The following THSD4 variants were observed in gnomAD, a reference collection of about 807,000 sequenced individuals.
THSD4 encodes thrombospondin type 1 domain containing 4.
A neutral mutation model predicts 119.0 loss-of-function variants in THSD4; 69 were observed. That is an observed-to-expected ratio of 0.58 (90% CI 0.48 to 0.71). THSD4 has a LOEUF of 0.71. Ranked by LOEUF, THSD4 falls within the 30% of genes least tolerant of loss-of-function variation. The pLI is 0.00. For synonymous variants in THSD4, 524 were observed against 540.4 expected (o/e 0.97, Z 0.42); for missense variants, 1,393 against 1,391.1 (o/e 1.00, Z -0.02).
At chr15:71,547,615 G>A (rs1473173791) in intron 7 of THSD4, 1 of 1,012,562 alleles carries the variant, frequency 9.9e-7, no homozygotes, top group African/African-American at 1.7e-5. Flanking sequence ...TACTTTTGTA[G>A]GCTTCTCTTG....
At chr15:71,599,976 A>G (rs1341085736) in intron 7 of THSD4, among the ~76,000 whole-genome samples, 1 of 152,176 alleles carries the variant, frequency 6.6e-6, no homozygotes, top group Non-Finnish European at 1.5e-5. Context: ...TCAAATTCTA[A>G]AACATCCAGG....
Position 71,240,279 on chromosome 15 carries a change from C to T in THSD4, c.465-2370C>T, listed in dbSNP as rs540284203. Among the ~76,000 whole-genome samples, 73 of 152,154 alleles carry T rather than the reference C, an allele frequency of 4.8e-4. 1 individual carries two copies. Among genetic ancestry groups the T allele is most frequent in the Non-Finnish European group, 7.5e-4 (51 of 68,028 alleles). The stretch of plus-strand genomic sequence containing the variant: ...TGAGCTCCAGCAGGGCAGCCTGTCC[C>T]GGGCCAGCAGATCTTTTGTATCTGC... On this transcript the variant is annotated intron_variant, in intron 4 of 17. Transcript: ENST00000261862.
At chr15:71,640,107 C>T (rs891623443) in intron 7 of THSD4, among the ~76,000 whole-genome samples, 22 of 152,156 alleles carry the variant, frequency 1.4e-4, no homozygotes, top group Admixed American at 5.9e-4. Flanking sequence ...TTTTATTGGA[C>T]AGTCTCACTC....
At chr15:71,627,900 CTA>C (rs989687448) in intron 7 of THSD4, among the ~76,000 whole-genome samples, 68 of 152,186 alleles carry the variant, frequency 4.5e-4, no homozygotes, top group Non-Finnish European at 1.0e-4. Context: ...TACCAGCAGA[CTA>C]TGTTTTCAGG....
intron 6 of THSD4, among the ~76,000 whole-genome samples, chr15:71,339,957 C>A (rs1159358337): frequency 6.6e-6 from 1 of 151,996 alleles, no homozygotes; most frequent in African/African-American, 2.4e-5. Flanking sequence ...TAGAGACAGG[C>A]TTTCGTCATG....
chr15:71,655,943 AT>A (rs1443379899), intron 7 of THSD4, among the ~76,000 whole-genome samples: 1 of 152,166 alleles, frequency 6.6e-6, no homozygotes, highest in Non-Finnish European at 1.5e-5. Flanking sequence ...GAAGTGACCA[AT>A]CCAGCATCAC....
intron 6 of THSD4, among the ~76,000 whole-genome samples, chr15:71,359,559 G>A (rs2045865514): frequency 6.6e-6 from 1 of 152,214 alleles, no homozygotes; most frequent in African/African-American, 2.4e-5. Flanking sequence ...CGTAATCCCA[G>A]CACTTTGGGA....
chr15:71,472,798 G>A (rs1414001179), intron 7 of THSD4, among the ~76,000 whole-genome samples: 1 of 152,174 alleles, frequency 6.6e-6, no homozygotes, highest in Non-Finnish European at 1.5e-5. Flanking sequence ...CATCTTAATT[G>A]AAACTGTGTG....
At chr15:71,413,536 G>A (rs2046718098) in intron 7 of THSD4, among the ~76,000 whole-genome samples, 1 of 152,138 alleles carries the variant, frequency 6.6e-6, no homozygotes, top group Non-Finnish European at 1.5e-5. Context: ...GCTCCCACAT[G>A]TGAGTGAAAA....
chr15:71,578,736 G>T (rs2049502626), intron 7 of THSD4, among the ~76,000 whole-genome samples: 2 of 151,840 alleles, frequency 1.3e-5, no homozygotes, highest in South Asian at 2.1e-4. Context: ...ACTTGTTTAG[G>T]TTATATTGTG....
chr15:71,422,947 A>G (rs911526730), intron 7 of THSD4, among the ~76,000 whole-genome samples: 8 of 151,916 alleles, frequency 5.3e-5, no homozygotes, highest in Admixed American at 1.3e-4. Context: ...CAAGCAGAGG[A>G]GTCTGTCCCC....
intron 7 of THSD4, among the ~76,000 whole-genome samples, chr15:71,445,848 G>T (rs1055646381): frequency 2.1e-4 from 32 of 152,190 alleles, no homozygotes; most frequent in African/African-American, 7.0e-4. Context: ...AAATCCTTAC[G>T]ATGTGCTTTG....
intron 7 of THSD4, among the ~76,000 whole-genome samples, chr15:71,655,062 C>T (rs1243581566): frequency 2.0e-5 from 3 of 152,172 alleles, no homozygotes; most frequent in Non-Finnish European, 4.4e-5. Context: ...AGCAATTTCT[C>T]CTGTGATGGC....
chr15:71,639,095 G>T (rs2140959527), intron 7 of THSD4, among the ~76,000 whole-genome samples: 1 of 152,296 alleles, frequency 6.6e-6, no homozygotes, highest in African/African-American at 2.4e-5. Flanking sequence ...CCATTGGCCA[G>T]AACTAGTCAC....
At chr15:71,503,547 A>G (rs562197948) in intron 7 of THSD4, among the ~76,000 whole-genome samples, 140 of 152,306 alleles carry the variant, frequency 9.2e-4, no homozygotes, top group African/African-American at 3.2e-3. Context: ...GTGAAAAAAC[A>G]AAACAAGTGT....
At chr15:71,492,433 T>TTTG (rs56285619) in intron 7 of THSD4, among the ~76,000 whole-genome samples, 35,094 of 150,798 alleles carry the variant, frequency 0.23, 4,268 homozygotes, top group Non-Finnish European at 0.25. Context: ...CCCATCTATT[T>TTTG]TTGTTGTTGT....
chr15:71,687,183 C>T (rs2051929228), intron 8 of THSD4, among the ~76,000 whole-genome samples: 1 of 152,186 alleles, frequency 6.6e-6, no homozygotes, highest in Admixed American at 6.5e-5. Context: ...AATTAAACTA[C>T]AGACTTCTCA....
rs143068234 is a variant in THSD4 at position 71,774,905 on chromosome 15, G to C, written c.2915-2327G>C. Among the ~76,000 whole-genome samples the C allele has an allele frequency of 4.6e-4, 70 of 152,312 alleles. No homozygotes were observed. In the East Asian group the frequency reaches 9.8e-3, roughly 21 times the overall value. ...CTCACACCTGTAATCCCAGCACTTT[G>C]GGAGGCCAAGGCAGGCGGATCATGA... On this transcript the variant is annotated intron_variant, in intron 17 of 17. Transcript: ENST00000261862.
intron 7 of THSD4, among the ~76,000 whole-genome samples, chr15:71,480,249 G>A (rs564410048): frequency 1.3e-5 from 2 of 152,180 alleles, no homozygotes; most frequent in South Asian, 2.1e-4. Context: ...TGTTGCCCAC[G>A]TTGGTCTCGA....
Sources: allele counts gnomAD v4.1 joint callset (sites outside exome capture counted in the v4.1 genomes callset), GRCh38; gene constraint gnomAD v4.1.1; transcripts MANE v1.5; gene names NCBI Gene and HGNC (gene_info 2026-07-23, HGNC 2026-07-21).